GRAMD4: variants seen among roughly 807,000 people sequenced by gnomAD.
The protein encoded by GRAMD4 is GRAM domain containing 4, also known as GRAM domain-containing protein 4.
A neutral mutation model predicts 83.9 loss-of-function variants in GRAMD4; 25 were observed. The ratio of observed to expected loss-of-function variants is 0.30; its 90% CI spans 0.22 to 0.42. The LOEUF (loss-of-function observed/expected upper bound fraction) is 0.42, where lower values mean the gene tolerates loss of function less well. Ranked by LOEUF, GRAMD4 falls within the 10% of genes least tolerant of loss-of-function variation. GRAMD4 has a pLI of 1.00. For missense variants in GRAMD4, 593 were observed against 788.7 expected, an observed-to-expected ratio of 0.75 and a Z score of 2.97; for synonymous variants, 336 against 320.9, an observed-to-expected ratio of 1.05 and a Z score of -0.50.
intron 17 of GRAMD4, 59 bp from the exon 18 acceptor site, chr22:46,676,541 G>C: frequency 2.0e-6 from 3 of 1,472,084 alleles, no homozygotes; most frequent in Middle Eastern, 2.2e-4. Flanking sequence ...GCCTGTGGAG[G>C]GCTGTGCCTC....
chr22:46,580,687 G>A (rs1381888129), intron 1 of GRAMD4, among the ~76,000 whole-genome samples: 3 of 152,168 alleles, frequency 2.0e-5, no homozygotes, highest in East Asian at 3.9e-4. Flanking sequence ...GGGTTTCGCC[G>A]GGCGCGCTGG....
chr22:46,670,630 G>A (rs566628289), intron 13 of GRAMD4, among the ~76,000 whole-genome samples: 19 of 152,108 alleles, frequency 1.2e-4, no homozygotes, highest in African/African-American at 3.6e-4. Flanking sequence ...TCAAGACAGC[G>A]TCTCAGTCTG....
Position 46,672,901 on chromosome 22 carries a change from G to C in GRAMD4, c.1143G>C (p.Arg381Ser). Reference protein sequence around the residue: ...LIDFIFKRCPRLRAKYDTPYI... With the variant: ...LIDFIFKRCPSLRAKYDTPYI... ...ATTTCATCTTTAAACGCTGCCCGAG[G>C]CTGCGCGCCAAGTACGACACGCCCT... is the stretch of plus-strand genomic sequence containing the variant. Residue 381 changes from arginine to serine, a missense_variant, in exon 14 of 19, where the codon AGG (arginine) becomes AGC (serine). Transcript: ENST00000406902. This position sits in a 1 kb window ranked among gnomAD's most constrained non-coding sequence, Gnocchi z 4.7. 1 of 1,612,444 alleles carries C rather than the reference G, an allele frequency of 6.2e-7. No homozygotes were observed. The highest frequency in any genetic ancestry group is 8.5e-7 in the Non-Finnish European group (1 of 1,179,572).
chr22:46,658,668 C>T (rs1471759934), intron 4 of GRAMD4, among the ~76,000 whole-genome samples: 1 of 152,094 alleles, frequency 6.6e-6, no homozygotes, highest in Non-Finnish European at 1.5e-5. Flanking sequence ...CTGCTGGTGA[C>T]CCCATTCTGT....
At chr22:46,609,504 A>T (rs928940420) in intron 1 of GRAMD4, among the ~76,000 whole-genome samples, 1 of 152,194 alleles carries the variant, frequency 6.6e-6, no homozygotes, top group Admixed American at 6.5e-5. Flanking sequence ...TTTTCACGGG[A>T]GGAGCTATTT....
At chr22:46,640,124 C>T (rs560368686) in intron 3 of GRAMD4, among the ~76,000 whole-genome samples, 24 of 152,326 alleles carry the variant, frequency 1.6e-4, no homozygotes, top group African/African-American at 5.3e-4. Flanking sequence ...GCTCAGCAGA[C>T]GCTAGTTAAG....
At chr22:46,605,764 CCGG>C (rs1305653445) in intron 1 of GRAMD4, among the ~76,000 whole-genome samples, 4 of 146,258 alleles carry the variant, frequency 2.7e-5, no homozygotes, top group Admixed American at 6.8e-5. Context: ...GGGCCTATGG[CCGG>C]TGCTGAGCAT....
chr22:46,636,679 C>A (rs1178688287), intron 2 of GRAMD4, among the ~76,000 whole-genome samples: 4 of 152,246 alleles, frequency 2.6e-5, no homozygotes, highest in Admixed American at 6.5e-5. Flanking sequence ...GGGACACTCA[C>A]TCGTGTGCTG....
intron 13 of GRAMD4, among the ~76,000 whole-genome samples, chr22:46,669,881 T>A (rs1412624987): frequency 1.3e-5 from 2 of 152,198 alleles, no homozygotes; most frequent in Non-Finnish European, 2.9e-5. Flanking sequence ...GACTGGTCTC[T>A]TCTGTTTTGT....
intron 1 of GRAMD4, among the ~76,000 whole-genome samples, chr22:46,599,302 T>G (rs1047918417): frequency 2.6e-5 from 4 of 152,050 alleles, no homozygotes; most frequent in Non-Finnish European, 5.9e-5. Flanking sequence ...CGTTTCATAG[T>G]TGTGCTTTTA....
intron 3 of GRAMD4, among the ~76,000 whole-genome samples, chr22:46,657,956 T>C (rs2082268597): frequency 6.6e-6 from 1 of 152,138 alleles, no homozygotes; most frequent in African/African-American, 2.4e-5. Context: ...GCCCCAGTCA[T>C]GTAAGAGGAG....
At chr22:46,619,110 C>T (rs563893519), upstream of GRAMD4, among the ~76,000 whole-genome samples, 6 of 152,188 alleles carry the variant, frequency 3.9e-5, no homozygotes, top group Non-Finnish European at 8.8e-5. Context: ...CTGGACAAGC[C>T]TTGAGTTTGG....
intron 3 of GRAMD4, among the ~76,000 whole-genome samples, chr22:46,641,834 C>T (rs1377406245): frequency 1.3e-5 from 2 of 152,224 alleles, no homozygotes; most frequent in African/African-American, 4.8e-5. Context: ...ATTTGTTAGC[C>T]GACACATTTC....
chr22:46,678,001 C>G lies in GRAMD4; in HGVS notation c.*750C>G. 1 of 985,708 alleles carries G rather than the reference C, an allele frequency of 1.0e-6. No homozygotes were observed. The highest frequency in any genetic ancestry group is 1.2e-6 in the Non-Finnish European group (1 of 830,120). 61.1% of individuals were successfully genotyped at this position (985,708 alleles called of 1,614,324 possible). A position where few individuals can be genotyped will look rare whatever the true frequency, so the allele number is the denominator to read the frequency against. On this transcript the variant is annotated 3_prime_UTR_variant, in exon 19 of 19. Coordinates refer to ENST00000406902, the MANE Select transcript of GRAMD4 (RefSeq NM_015124.5). ...CCTGCCTGCTGCTCTCGGCCTGACA[C>G]GCCGGCCAGGAGGTCTGTAGCTGGG... is the stretch of plus-strand genomic sequence containing the variant.
intron 15 of GRAMD4, 151 bp from the exon 16 acceptor site, chr22:46,674,506 C>A (rs567427049): frequency 2.9e-6 from 2 of 693,760 alleles, no homozygotes; most frequent in East Asian, 5.1e-5. Flanking sequence ...CCACCTCACT[C>A]TTGCCGGCGC....
chr22:46,669,043 G>A (rs2082458211), intron 13 of GRAMD4, 135 bp downstream of exon 13: 2 of 616,650 alleles, frequency 3.2e-6, no homozygotes, highest in African/African-American at 1.8e-5. Flanking sequence ...TGTCACAAAT[G>A]TTTCAATTTG....
chr22:46,681,442 T>G (rs1439293914), downstream of GRAMD4, among the ~76,000 whole-genome samples: 1 of 152,258 alleles, frequency 6.6e-6, no homozygotes, highest in Non-Finnish European at 1.5e-5. Flanking sequence ...GCTGGTTTCC[T>G]TGGCAATCGT....
intron 2 of GRAMD4, among the ~76,000 whole-genome samples, chr22:46,628,922 G>A (rs891993396): frequency 2.6e-5 from 4 of 152,064 alleles, no homozygotes; most frequent in Admixed American, 2.0e-4. Context: ...GAGGCAGGCC[G>A]TGGTCTGGAC....
At chr22:46,658,065 G>T in intron 3 of GRAMD4, 122 bp from the exon 4 acceptor site, 2 of 1,225,994 alleles carry the variant, frequency 1.6e-6, no homozygotes, top group South Asian at 1.2e-5. Flanking sequence ...CAGGTGCTCA[G>T]GTCCGCTTAC....
Sources: allele counts gnomAD v4.1 joint callset (sites outside exome capture counted in the v4.1 genomes callset), GRCh38; gene constraint gnomAD v4.1.1; non-coding constraint Gnocchi (gnomAD v3.1); transcripts MANE v1.5; gene names NCBI Gene and HGNC (gene_info 2026-07-23, HGNC 2026-07-21).